The following RGPD3 variants were observed in gnomAD, a reference collection of about 807,000 sequenced individuals.
RGPD3 encodes the protein RANBP2 like and GRIP domain containing 3, also known as ranBP2-like and GRIP domain-containing protein 3.
A neutral mutation model predicts 154.5 loss-of-function variants in RGPD3; 62 were observed. That is an observed-to-expected ratio of 0.40 (90% CI 0.33 to 0.50). The LOEUF (loss-of-function observed/expected upper bound fraction) is 0.50, where lower values mean the gene tolerates loss of function less well. Among genes scored for constraint, RGPD3 ranks in the 20% least tolerant of loss-of-function variants. The probability of loss-of-function intolerance (pLI) is 0.59; values close to 1 mark genes in which losing one functional copy is unlikely to be tolerated. For missense variants in RGPD3, 919 were observed against 1,716.8 expected, an observed-to-expected ratio of 0.54 and a Z score of 8.21; for synonymous variants, 308 against 607.0, an observed-to-expected ratio of 0.51 and a Z score of 7.24.
chr2:106,409,643 T>A (rs955035403), intron 22 of RGPD3, among the ~76,000 whole-genome samples: 8 of 151,956 alleles, frequency 5.3e-5, no homozygotes, highest in South Asian at 2.1e-4. Flanking sequence ...TCTTTTTTTT[T>A]AATACTGCTT....
At position 106,403,605 on chromosome 2, in the gene RGPD3, A is replaced by C. The variant is rs1284737456; in HGVS notation, c.*1614T>G. Among the ~76,000 whole-genome samples the C allele has an allele frequency of 1.1e-4, 17 of 152,406 alleles. No homozygotes were observed. Among genetic ancestry groups the C allele is most frequent in the Middle Eastern group, 3.4e-3 (1 of 294 alleles). On this transcript the variant is annotated 3_prime_UTR_variant, in exon 23 of 23. Coordinates refer to ENST00000409886, the MANE Select transcript of RGPD3 (RefSeq NM_001144013.2). Reference sequence around the variant, plus strand: ...AAGGTCTCAAGTCAAAGAGAAAGTGAAATATATTTAAATATGATTAGTTAC... The same window carrying C: ...AAGGTCTCAAGTCAAAGAGAAAGTGCAATATATTTAAATATGATTAGTTAC...
chr2:106,451,196 A>C (rs1202022236), intron 6 of RGPD3, among the ~76,000 whole-genome samples: 1 of 151,396 alleles, frequency 6.6e-6, no homozygotes. Flanking sequence ...GTGACCAAAA[A>C]ATTTGAGTAT....
At chr2:106,444,762 G>A (rs1254597999) in intron 7 of RGPD3, among the ~76,000 whole-genome samples, 3 of 150,838 alleles carry the variant, frequency 2.0e-5, no homozygotes, top group Non-Finnish European at 3.0e-5. Flanking sequence ...CCAGGAGTTC[G>A]AGGATGCAGT....
chr2:106,404,404 A>G lies in RGPD3; in HGVS notation c.*815T>C, dbSNP rs1383293268. Among the ~76,000 whole-genome samples, 1 of 147,930 alleles carries G rather than the reference A, an allele frequency of 6.8e-6. No homozygotes were observed. The highest frequency in any genetic ancestry group is 2.5e-5 in the African/African-American group (1 of 39,228). ...ACAACATAATGAGTTTTGAGATAGT[A>G]TACTTTAAAGAAAAAAAGAAGAGTT... On this transcript the variant is annotated 3_prime_UTR_variant, in exon 23 of 23. Transcript: ENST00000409886.
chr2:106,433,006 T>A lies in RGPD3; in HGVS notation c.2398A>T (p.Thr800Ser), dbSNP rs535016548. 6.2e-7 allele frequency: 1 copy of A among 1,609,480 alleles called. No individual in the cohort carries two copies. Among genetic ancestry groups the A allele is most frequent in the East Asian group, 2.2e-5 (1 of 44,752 alleles). Reference sequence around the variant, plus strand: ...TGATCTTCTGCCCATCGAGGTGGTGTTTTGGGAGAATACTAAAAAAAAAAT... The same window carrying A: ...TGATCTTCTGCCCATCGAGGTGGTGATTTGGGAGAATACTAAAAAAAAAAT... The part of the protein sequence containing the change: ...PSKSYKYSPK[T>S]PPRWAEDQNS... Residue 800 changes from threonine (T) to serine (S), a missense_variant, in exon 17 of 23, where the codon ACA becomes TCA. Physicochemically the swap from Thr to Ser is moderately conservative, Grantham distance 58. Coordinates refer to ENST00000409886, the MANE Select transcript of RGPD3 (RefSeq NM_001144013.2).
At chr2:106,429,042 T>C (rs1396897193) in intron 18 of RGPD3, among the ~76,000 whole-genome samples, 2 of 152,044 alleles carry the variant, frequency 1.3e-5, no homozygotes, top group East Asian at 3.9e-4. Context: ...GTTTACTGTA[T>C]ACTCTAATAA....
intron 18 of RGPD3, among the ~76,000 whole-genome samples, chr2:106,428,659 A>T (rs1449858006): frequency 2.6e-5 from 4 of 151,982 alleles, no homozygotes. Context: ...ACCAGATTTT[A>T]TTCTAAATCT....
intron 1 of RGPD3, among the ~76,000 whole-genome samples, chr2:106,467,697 A>C (rs1264647902): frequency 0.04 from 2,400 of 60,096 alleles, 1 homozygote; most frequent in Middle Eastern, 0.08. Context: ...CCATCGAGGC[A>C]GCCGCCGGGC....
intron 6 of RGPD3, among the ~76,000 whole-genome samples, chr2:106,451,716 A>G (rs1311755819): frequency 6.6e-6 from 1 of 151,728 alleles, no homozygotes; most frequent in South Asian, 2.1e-4. Flanking sequence ...GGTTTTCAAA[A>G]TCAAAATTTA....
In RGPD3 at chr2:106,465,082, T is replaced by C. The variant is rs368275533; in HGVS notation, c.72+3135A>G. ...AATGGAAGACTAGAAAGATATGATA[T>C]ACAGACGCATCATCACACTCCAAAA... On this transcript the variant is annotated intron_variant, in intron 1 of 22. Transcript: ENST00000409886. Among the ~76,000 whole-genome samples, 360 of 151,594 alleles carry C rather than the reference T, an allele frequency of 2.4e-3. 2 individuals are homozygous for C. Among genetic ancestry groups the C allele is most frequent in the African/African-American group, 8.2e-3 (339 of 41,206 alleles).
chr2:106,429,087 C>T (rs1259240674), intron 18 of RGPD3, among the ~76,000 whole-genome samples: 1 of 152,046 alleles, frequency 6.6e-6, no homozygotes, highest in Non-Finnish European at 1.5e-5. Context: ...CCTGCACATA[C>T]ACAAATGCTC....
At chr2:106,427,068 T>C (rs1348102474) in intron 18 of RGPD3, among the ~76,000 whole-genome samples, 754 of 148,934 alleles carry the variant, frequency 5.1e-3, no homozygotes, top group African/African-American at 0.017. Flanking sequence ...AAATATTAAA[T>C]AAAAAAAAAA....
At chr2:106,455,090 C>T (rs2580993) in intron 4 of RGPD3, among the ~76,000 whole-genome samples, 2 of 152,248 alleles carry the variant, frequency 1.3e-5, no homozygotes, top group Admixed American at 6.5e-5. Flanking sequence ...CACCTGAGAA[C>T]CCGGGAGGCA....
At chr2:106,449,505 A>C (rs1396419592) in intron 6 of RGPD3, among the ~76,000 whole-genome samples, 10 of 150,916 alleles carry the variant, frequency 6.6e-5, no homozygotes, top group Non-Finnish European at 1.5e-5. Flanking sequence ...TTATTAACAC[A>C]CAATAGGGCT....
chr2:106,424,555 A>G lies in RGPD3; in HGVS notation c.3412T>C (p.Ser1138Pro). The change falls in exon 20 of 23, where the codon TCT becomes CCT. Residue 1138 changes from serine (S) to proline (P), a missense_variant. Physicochemically the swap from Ser to Pro is moderately conservative, Grantham distance 74. Transcript: ENST00000409886. ...RAWMWSASDF[S>P]DGDAKLERLA... Reference sequence around the variant, plus strand: ...CGCTCTAGTTTGGCATCACCATCAGAGAAATCACTGGCTGACCACATCCAT... The same window carrying G: ...CGCTCTAGTTTGGCATCACCATCAGGGAAATCACTGGCTGACCACATCCAT... 1.2e-6 allele frequency: 2 copies of G among 1,610,072 alleles called. No homozygotes were observed. The highest frequency in any genetic ancestry group is 1.7e-6 in the Non-Finnish European group (2 of 1,179,714).
At chr2:106,468,147 C>T (rs1477888263) in intron 1 of RGPD3, 70 bp downstream of exon 1, 86 of 1,515,174 alleles carry the variant, frequency 5.7e-5, no homozygotes, top group South Asian at 7.2e-5. Context: ...CCATCGAGGC[C>T]GCCGCCGGGC....
chr2:106,415,788 G>A (rs1676810992), intron 21 of RGPD3, 62 bp downstream of exon 21: 2 of 1,604,132 alleles, frequency 1.2e-6, no homozygotes, highest in Non-Finnish European at 1.7e-6. Flanking sequence ...GGGTACATGT[G>A]TATGGAGGGT....
chr2:106,448,767 T>C (rs1184511449), intron 6 of RGPD3, among the ~76,000 whole-genome samples: 1 of 152,026 alleles, frequency 6.6e-6, no homozygotes, highest in Non-Finnish European at 1.5e-5. Flanking sequence ...CTTGGCTTAC[T>C]GCAACCTCTG....
chr2:106,406,911 T>C (rs1676534776), intron 22 of RGPD3, among the ~76,000 whole-genome samples: 1 of 152,196 alleles, frequency 6.6e-6, no homozygotes, highest in South Asian at 2.1e-4. Context: ...TATTTTTCTG[T>C]TCTGTCTGGT....
Sources: gnomAD v4.1 joint callset for allele counts (sites outside exome capture counted in the v4.1 genomes callset) on GRCh38, gnomAD v4.1.1 for gene constraint, MANE v1.5 for transcripts, NCBI Gene and HGNC (gene_info 2026-07-23, HGNC 2026-07-21) for gene names.